The following TENM3 variants were observed in gnomAD, a reference collection of about 807,000 sequenced individuals.
TENM3 encodes the protein teneurin-3.
TENM3 carries 63 observed loss-of-function variants against 255.1 expected under a neutral mutation model. That is an observed-to-expected ratio of 0.25 (90% CI 0.20 to 0.30). The LOEUF is 0.30. Ranked by LOEUF, TENM3 falls within the 10% of genes least tolerant of loss-of-function variation. The pLI is 1.00. For synonymous variants in TENM3, 1,306 were observed against 1,322.3 expected, an observed-to-expected ratio of 0.99 and a Z score of 0.27; for missense variants, 2,929 against 3,461.1, an observed-to-expected ratio of 0.85 and a Z score of 3.86.
rs55836889 is a variant in TENM3, at chr4:182,426,007, C to CAAAAAAAAAAAAAAAAAAAAAA, written c.511+79080_511+79101dup. On this transcript the variant is annotated intron_variant, in intron 3 of 27. Transcript: ENST00000511685. ...TAAGAGACAGAGCGAGAGTCCATGT[C>CAAAAAAAAAAAAAAAAAAAAAA]AAAAAAAAAAAAAAAAAAAAAAACA... Among the ~76,000 whole-genome samples the CAAAAAAAAAAAAAAAAAAAAAA allele has an allele frequency of 2.7e-3, 249 of 90,702 alleles. 8 individuals are homozygous for CAAAAAAAAAAAAAAAAAAAAAA. The highest frequency in any genetic ancestry group is 4.0e-3 in the African/African-American group (91 of 22,622). The allele number at this position is 90,702 out of a possible 152,430, so 59.5% of individuals were successfully genotyped here. A position where few individuals can be genotyped will look rare whatever the true frequency, so the allele number is the denominator to read the frequency against.
At chr4:181,849,930 T>TCTCTCTCTCTCTCTCTCTCTCTCTC in the TENM3 span, among the ~76,000 whole-genome samples, 1 of 84,022 alleles carries the variant, frequency 1.2e-5, no homozygotes, top group Non-Finnish European at 2.4e-5. Context: ...CTCTCTCTCT[T>TCTCTCTCTCTCTCTCTCTCTCTCTC]TCTCTCTCTC....
At chr4:182,225,485 T>C (rs2149984621) in intron 1 of TENM3, among the ~76,000 whole-genome samples, 1 of 152,268 alleles carries the variant, frequency 6.6e-6, no homozygotes, top group South Asian at 2.1e-4. Context: ...ACCTGATCTT[T>C]TCAGTGGTGA....
the TENM3 span, among the ~76,000 whole-genome samples, chr4:181,541,869 A>G: frequency 2.0e-5 from 3 of 152,214 alleles, no homozygotes; most frequent in Non-Finnish European, 1.5e-5. Flanking sequence ...CACAGTCTAC[A>G]TCTGCTAATT....
the TENM3 span, among the ~76,000 whole-genome samples, chr4:181,628,546 A>C: frequency 2.6e-5 from 4 of 152,312 alleles, no homozygotes; most frequent in East Asian, 3.9e-4. Context: ...TCAGCTTTCT[A>C]CATATGGCTA....
the TENM3 span, among the ~76,000 whole-genome samples, chr4:181,984,398 A>G: frequency 6.6e-6 from 1 of 152,152 alleles, no homozygotes; most frequent in Non-Finnish European, 1.5e-5. Flanking sequence ...AAGTAAGTGC[A>G]AAAATAGTAC....
At chr4:182,553,225 G>C (rs1742235585) in intron 3 of TENM3, among the ~76,000 whole-genome samples, 1 of 152,104 alleles carries the variant, frequency 6.6e-6, no homozygotes, top group African/African-American at 2.4e-5. Flanking sequence ...CTGCAGAGTA[G>C]CTGGGACTAC....
the TENM3 span, among the ~76,000 whole-genome samples, chr4:181,560,340 T>C: frequency 6.6e-6 from 1 of 152,176 alleles, no homozygotes; most frequent in African/African-American, 2.4e-5. Flanking sequence ...CGTTGTGAGG[T>C]CAGGTTTCAA....
intron 3 of TENM3, among the ~76,000 whole-genome samples, chr4:182,413,218 A>G (rs1770130874): frequency 6.6e-6 from 1 of 152,164 alleles, no homozygotes; most frequent in Non-Finnish European, 1.5e-5. Flanking sequence ...GATTTTTCAG[A>G]ACTGATGGAT....
At chr4:182,387,146 G>A (rs920863120) in intron 3 of TENM3, among the ~76,000 whole-genome samples, 56 of 152,144 alleles carry the variant, frequency 3.7e-4, no homozygotes, top group African/African-American at 1.1e-3. Context: ...CTCTGGTGGG[G>A]ACGTGGAGAA....
chr4:182,241,021 G>A (rs1757221551), upstream of TENM3, among the ~76,000 whole-genome samples: 2 of 152,150 alleles, frequency 1.3e-5, no homozygotes, highest in African/African-American at 4.8e-5. Context: ...AAGGATGCCT[G>A]CTTGCATCTT....
chr4:182,291,880 G>C (rs867081197), intron 1 of TENM3, among the ~76,000 whole-genome samples: 1 of 152,066 alleles, frequency 6.6e-6, no homozygotes, highest in African/African-American at 2.4e-5. Flanking sequence ...TGTGTGTGTA[G>C]GGCTGGGAGG....
intron 5 of TENM3, 91 bp from the exon 6 acceptor site, chr4:182,653,680 T>C (rs200141639): frequency 1.4e-6 from 2 of 1,387,734 alleles, no homozygotes; most frequent in East Asian, 2.5e-5. Context: ...ATTGTAACTT[T>C]ACATATGACT....
chr4:182,108,886 GTCA>G, the TENM3 span, among the ~76,000 whole-genome samples: 1 of 152,034 alleles, frequency 6.6e-6, no homozygotes, highest in African/African-American at 2.4e-5. Flanking sequence ...AAATAGAAAA[GTCA>G]TCATCAAGAA....
intron 3 of TENM3, among the ~76,000 whole-genome samples, chr4:182,504,021 T>C (rs970178997): frequency 1.3e-5 from 2 of 151,846 alleles, no homozygotes; most frequent in African/African-American, 4.8e-5. Flanking sequence ...ATATATATAT[T>C]TTTATTTTAT....
intron 3 of TENM3, among the ~76,000 whole-genome samples, chr4:182,424,848 A>G (rs1771090164): frequency 6.6e-6 from 1 of 152,136 alleles, no homozygotes; most frequent in African/African-American, 2.4e-5. Flanking sequence ...TGTTTTTTTG[A>G]ACTAATTAAA....
the TENM3 span, among the ~76,000 whole-genome samples, chr4:181,518,881 A>T: frequency 1.3e-5 from 2 of 152,308 alleles, no homozygotes; most frequent in African/African-American, 4.8e-5. Context: ...CCAAGGTACC[A>T]GTTACGTAAC....
At chr4:182,185,521 G>T (rs1027852715) in intron 1 of TENM3, among the ~76,000 whole-genome samples, 1 of 152,150 alleles carries the variant, frequency 6.6e-6, no homozygotes, top group Non-Finnish European at 1.5e-5. Context: ...TTCTTACCTA[G>T]ACAACAAAGG....
chr4:181,589,062 A>G, the TENM3 span, among the ~76,000 whole-genome samples: 779 of 152,096 alleles, frequency 5.1e-3, 9 homozygotes, highest in African/African-American at 0.018. Flanking sequence ...GTGATTAAAC[A>G]CTGAAACAGA....
intron 3 of TENM3, among the ~76,000 whole-genome samples, chr4:182,545,809 T>C (rs574315039): frequency 1.3e-5 from 2 of 152,262 alleles, no homozygotes; most frequent in African/African-American, 4.8e-5. Flanking sequence ...TCTGTCCTGT[T>C]TGCATCTTTT....
Sources: allele counts gnomAD v4.1 joint callset (sites outside exome capture counted in the v4.1 genomes callset), GRCh38; gene constraint gnomAD v4.1.1; transcripts MANE v1.5; gene names NCBI Gene and HGNC (gene_info 2026-07-23, HGNC 2026-07-21).